The following MYO18B variants were observed in gnomAD, a reference collection of about 807,000 sequenced individuals.
MYO18B encodes myosin XVIIIB.
Under a neutral mutation model 273.0 loss-of-function variants are expected in MYO18B, and 204 were observed. The observed-to-expected ratio is 0.75, with a 90% CI of 0.67 to 0.84. The LOEUF (loss-of-function observed/expected upper bound fraction) is 0.84, where lower values mean the gene tolerates loss of function less well. Among genes scored for constraint, MYO18B ranks in the 40% least tolerant of loss-of-function variants. MYO18B has a pLI of 0.00. For synonymous variants in MYO18B, 1,330 were observed against 1,305.7 expected (o/e 1.02, Z -0.40); for missense variants, 3,212 against 3,287.6 (o/e 0.98, Z 0.56).
chr22:25,852,226 C>A (rs897709364), intron 21 of MYO18B, among the ~76,000 whole-genome samples: 1 of 152,184 alleles, frequency 6.6e-6, no homozygotes, highest in African/African-American at 2.4e-5. Flanking sequence ...CACTCGTTCC[C>A]CGAATCTTTG....
At chr22:25,860,336 G>T (rs1229296104) in intron 21 of MYO18B, among the ~76,000 whole-genome samples, 2 of 151,850 alleles carry the variant, frequency 1.3e-5, no homozygotes, top group African/African-American at 4.8e-5. Flanking sequence ...GTTTTCTTTG[G>T]TTCTATTGTC....
intron 39 of MYO18B, among the ~76,000 whole-genome samples, chr22:25,970,450 G>T (rs1045882275): frequency 6.6e-6 from 1 of 152,132 alleles, no homozygotes; most frequent in East Asian, 1.9e-4. Flanking sequence ...AGTGTCCTGA[G>T]TGTCAGCTTC....
chr22:25,989,682 C>T (rs1194909999), intron 39 of MYO18B, among the ~76,000 whole-genome samples: 4 of 142,646 alleles, frequency 2.8e-5, no homozygotes, highest in African/African-American at 1.1e-4. Flanking sequence ...CCTGTAGTGC[C>T]AGTTACTTGG....
At chr22:25,941,778 A>C (rs2285206) in intron 34 of MYO18B, among the ~76,000 whole-genome samples, 77,000 of 152,096 alleles carry the variant, frequency 0.51, 20,206 homozygotes, top group African/African-American at 0.65. Context: ...GGTCTGGTCT[A>C]TCCAGATCCT....
At chr22:25,992,543 C>G in intron 40 of MYO18B, 50 bp downstream of exon 40, 1 of 1,610,288 alleles carries the variant, frequency 6.2e-7, no homozygotes, top group Non-Finnish European at 8.5e-7. Context: ...TGGGCGGCAT[C>G]CTGGGGAGCT....
chr22:25,787,272 G>GCGCGCACACACACA (rs1482737296), intron 11 of MYO18B, among the ~76,000 whole-genome samples: 4 of 136,582 alleles, frequency 2.9e-5, no homozygotes, highest in South Asian at 2.9e-4. Flanking sequence ...GCAGGCGCGC[G>GCGCGCACACACACA]CACACACACA....
intron 33 of MYO18B, among the ~76,000 whole-genome samples, chr22:25,911,514 C>A (rs2092158288): frequency 6.6e-6 from 1 of 152,202 alleles, no homozygotes; most frequent in Non-Finnish European, 1.5e-5. Context: ...GAGAGTGGAG[C>A]CTTATGGGGT....
At chr22:25,829,071 C>A in intron 15 of MYO18B, 103 bp downstream of exon 15, 1 of 1,302,638 alleles carries the variant, frequency 7.7e-7, no homozygotes, top group Non-Finnish European at 1.0e-6. Context: ...TGCAGCTTCA[C>A]CCTGTTTGGT....
At position 25,846,205 on chromosome 22, in the gene MYO18B, C is replaced by T; in HGVS notation, c.3474C>T (p.Arg1158=). 1 of 1,612,562 alleles carries T rather than the reference C, an allele frequency of 6.2e-7. No individual in the cohort carries two copies. The highest frequency in any genetic ancestry group is 1.1e-5 in the South Asian group (1 of 90,986). Residue 1158 remains arginine (R), a synonymous_variant, in exon 19 of 44, where the codon CGC becomes CGT. Transcript: ENST00000335473. ...CCCAGCAGGCCCTGCAGAGGAGCCG[C>T]ATGGTGAGGAGGACCTTTGCCAGCA... ...GTSQQALQRS[R]MVRRTFASSL...
chr22:26,016,791 C>T (rs1162735978), intron 42 of MYO18B, among the ~76,000 whole-genome samples: 1 of 152,180 alleles, frequency 6.6e-6, no homozygotes, highest in Non-Finnish European at 1.5e-5. Context: ...TAGACAACCA[C>T]AGTACAGAGG....
chr22:25,770,282 G>T, intron 5 of MYO18B, 106 bp downstream of exon 5: 1 of 1,094,174 alleles, frequency 9.1e-7, no homozygotes, highest in Non-Finnish European at 1.4e-6. Context: ...GTGGTCAGGA[G>T]GGAAGAGGAG....
chr22:25,903,953 T>G, intron 31 of MYO18B, 122 bp downstream of exon 31: 1 of 1,079,832 alleles, frequency 9.3e-7, no homozygotes, highest in South Asian at 1.6e-5. Flanking sequence ...CTCCCTATTA[T>G]CCCAGGGAAC....
rs552393645 is a variant in MYO18B at position 25,864,354 on chromosome 22, T to C, written c.3886-3966T>C. Among the ~76,000 whole-genome samples the C allele has an allele frequency of 8.5e-5, 13 of 152,330 alleles. No individual in the cohort carries two copies. In the South Asian group the frequency reaches 1.0e-3, roughly 12 times the overall value. On this transcript the variant is annotated intron_variant, in intron 21 of 43. Coordinates refer to ENST00000335473, the MANE Select transcript of MYO18B (RefSeq NM_032608.7). ...AAATTTTATCCATATTTATCTTGTT[T>C]TGGGGGGAGGGGAGAGGATTTATTA...
chr22:25,901,048 A>T (rs772686434), intron 29 of MYO18B: 17 of 152,318 alleles, frequency 1.1e-4, no homozygotes, highest in Non-Finnish European at 2.4e-4. Flanking sequence ...GGACTGCTGG[A>T]TCATCACCCT....
chr22:25,860,310 T>C (rs79952003), intron 21 of MYO18B, among the ~76,000 whole-genome samples: 42 of 150,332 alleles, frequency 2.8e-4, no homozygotes, highest in African/African-American at 9.8e-4. Context: ...TGATTTTTTT[T>C]CTCTGTTGTT....
chr22:25,928,608 T>C (rs1241451045), intron 34 of MYO18B, among the ~76,000 whole-genome samples: 1 of 151,988 alleles, frequency 6.6e-6, no homozygotes, highest in Non-Finnish European at 1.5e-5. Flanking sequence ...TTCCCTCCAC[T>C]GGGAGCTTTG....
chr22:25,845,449 G>A (rs762792556), intron 18 of MYO18B, among the ~76,000 whole-genome samples: 14 of 152,130 alleles, frequency 9.2e-5, no homozygotes, highest in Non-Finnish European at 2.1e-4. Context: ...CCCGGGAGGC[G>A]GAGGTTGCAG....
intron 32 of MYO18B, among the ~76,000 whole-genome samples, chr22:25,909,505 C>T (rs187511620): frequency 3.7e-4 from 56 of 152,230 alleles, no homozygotes; most frequent in South Asian, 6.2e-4. Flanking sequence ...GTACTTTTTC[C>T]CCCTCCATGG....
intron 42 of MYO18B, among the ~76,000 whole-genome samples, chr22:26,023,173 A>G (rs1306723148): frequency 6.6e-6 from 1 of 151,134 alleles, no homozygotes; most frequent in Admixed American, 6.6e-5. Flanking sequence ...TCTCATTTCA[A>G]CTTCTTTCCT....
Sources: gnomAD v4.1 joint callset for allele counts (sites outside exome capture counted in the v4.1 genomes callset) on GRCh38, gnomAD v4.1.1 for gene constraint, MANE v1.5 for transcripts, NCBI Gene and HGNC (gene_info 2026-07-23, HGNC 2026-07-21) for gene names.